The following KCNIP1 variants were observed in gnomAD, a reference collection of about 807,000 sequenced individuals.
KCNIP1 encodes potassium voltage-gated channel interacting protein 1.
Under a neutral mutation model 33.0 loss-of-function variants are expected in KCNIP1, and 18 were observed. The observed-to-expected ratio is 0.55, with a 90% CI of 0.38 to 0.81. The LOEUF is 0.81. Ranked by LOEUF, KCNIP1 falls within the 30% of genes least tolerant of loss-of-function variation. The pLI is 0.00. For missense variants in KCNIP1, 238 were observed against 271.6 expected, an observed-to-expected ratio of 0.88 and a Z score of 0.87; for synonymous variants, 93 against 98.3, an observed-to-expected ratio of 0.95 and a Z score of 0.32.
At chr5:170,635,054 G>C (rs1202629210) in intron 1 of KCNIP1, among the ~76,000 whole-genome samples, 1 of 152,120 alleles carries the variant, frequency 6.6e-6, no homozygotes, top group Non-Finnish European at 1.5e-5. Context: ...TTTTGAGACA[G>C]AGACTCGCTT....
chr5:170,463,623 G>A (rs1027823156), intron 1 of KCNIP1, among the ~76,000 whole-genome samples: 5 of 152,144 alleles, frequency 3.3e-5, no homozygotes, highest in South Asian at 2.1e-4. Flanking sequence ...CCAAACTGAC[G>A]TCATGATAAA....
intron 1 of KCNIP1, among the ~76,000 whole-genome samples, chr5:170,521,418 G>C (rs571099578): frequency 6.6e-6 from 1 of 152,302 alleles, no homozygotes; most frequent in Admixed American, 6.5e-5. Context: ...TTTTGTGAGT[G>C]TATGTTTCTA....
At chr5:170,420,354 G>A (rs948881770) in intron 1 of KCNIP1, 3 of 152,016 alleles carry the variant, frequency 2.0e-5, no homozygotes, top group Admixed American at 2.0e-4. Flanking sequence ...TCTTCTTTAT[G>A]ATTTCTCGTA....
At chr5:170,402,823 T>C (rs1754942854) in intron 1 of KCNIP1, among the ~76,000 whole-genome samples, 1 of 152,156 alleles carries the variant, frequency 6.6e-6, no homozygotes. Flanking sequence ...GCTGCCACAG[T>C]GTCATTCATT....
At chr5:170,359,157 G>T (rs1445048172) in intron 1 of KCNIP1, among the ~76,000 whole-genome samples, 1 of 152,164 alleles carries the variant, frequency 6.6e-6, no homozygotes, top group East Asian at 1.9e-4. Flanking sequence ...TCTCAGGCAG[G>T]TGTGCAGGCC....
At chr5:170,715,212 C>G (rs1011614917) in intron 1 of KCNIP1, among the ~76,000 whole-genome samples, 3 of 152,160 alleles carry the variant, frequency 2.0e-5, no homozygotes, top group Non-Finnish European at 4.4e-5. Flanking sequence ...AGCCTAGGAG[C>G]AAAAGGCCAT....
intron 5 of KCNIP1, among the ~76,000 whole-genome samples, chr5:170,724,716 G>T (rs1763949320): frequency 6.6e-6 from 1 of 151,938 alleles, no homozygotes; most frequent in South Asian, 2.1e-4. Context: ...ATTAAATTAA[G>T]AAAAATAGCA....
intron 2 of KCNIP1, 131 bp downstream of exon 2, chr5:170,719,013 G>A (rs560631743): frequency 1.7e-6 from 2 of 1,199,422 alleles, no homozygotes; most frequent in South Asian, 3.0e-5. Flanking sequence ...CTCTATAAAG[G>A]GGGCATGAGA....
chr5:170,722,626 A>G lies in KCNIP1; in HGVS notation c.328-87A>G, dbSNP rs910633821. Reference sequence around the variant, plus strand: ...AGGACGCAGGAGGCACCATTCTGTGAGAGTATCACAGTCTGACCCAAAGAC... The same window carrying G: ...AGGACGCAGGAGGCACCATTCTGTGGGAGTATCACAGTCTGACCCAAAGAC... On this transcript the variant is annotated intron_variant, in intron 4 of 7. Transcript: ENST00000328939. The G allele has an allele frequency of 9.1e-6, 8 of 882,534 alleles. No individual in the cohort carries two copies. In the African/African-American group the frequency reaches 1.3e-4, roughly 15 times the overall value. 54.7% of individuals were successfully genotyped at this position (882,534 alleles called of 1,614,324 possible). A position where few individuals can be genotyped will look rare whatever the true frequency, so the allele number is the denominator to read the frequency against.
chr5:170,601,996 C>T (rs1758714730), intron 1 of KCNIP1, among the ~76,000 whole-genome samples: 2 of 152,160 alleles, frequency 1.3e-5, no homozygotes, highest in Non-Finnish European at 1.5e-5. Flanking sequence ...GACACCGCCC[C>T]AGGCTCTCTG....
At chr5:170,678,712 G>A (rs766498330) in intron 1 of KCNIP1, 5 of 152,204 alleles carry the variant, frequency 3.3e-5, no homozygotes, top group Admixed American at 1.3e-4. Context: ...ACTTTGGGAC[G>A]GGAGCCCAGG....
intron 1 of KCNIP1, among the ~76,000 whole-genome samples, chr5:170,672,864 G>T (rs1011302915): frequency 1.3e-5 from 2 of 152,248 alleles, no homozygotes; most frequent in Non-Finnish European, 2.9e-5. Context: ...CTAGGCAATA[G>T]GTTTTAGTTG....
intron 1 of KCNIP1, chr5:170,383,723 C>G (rs199919533): frequency 6.2e-7 from 1 of 1,614,152 alleles, no homozygotes; most frequent in Non-Finnish European, 8.5e-7. Context: ...TACAGCACAG[C>G]CCACCTGCCG....
chr5:170,373,097 G>A (rs1219118971), intron 1 of KCNIP1, among the ~76,000 whole-genome samples: 1 of 152,172 alleles, frequency 6.6e-6, no homozygotes, highest in Non-Finnish European at 1.5e-5. Flanking sequence ...GAAGTTGGCT[G>A]GTGAAAATGT....
chr5:170,404,546 A>G (rs965258863), intron 1 of KCNIP1, among the ~76,000 whole-genome samples: 4 of 152,120 alleles, frequency 2.6e-5, no homozygotes, highest in African/African-American at 9.7e-5. Flanking sequence ...TTGCCTGGCT[A>G]TCATGGGTGA....
At chr5:170,646,045 CAAG>C (rs1482515253) in intron 1 of KCNIP1, among the ~76,000 whole-genome samples, 2 of 152,116 alleles carry the variant, frequency 1.3e-5, no homozygotes, top group Admixed American at 1.3e-4. Context: ...AAAATTCGCA[CAAG>C]AAGAAATAGA....
intron 1 of KCNIP1, among the ~76,000 whole-genome samples, chr5:170,441,392 A>G (rs897762214): frequency 6.6e-6 from 1 of 151,948 alleles, no homozygotes; most frequent in Non-Finnish European, 1.5e-5. Context: ...ACCTCAGAGC[A>G]TTTGTACCTC....
At chr5:170,691,465 C>A (rs1178793676) in intron 1 of KCNIP1, among the ~76,000 whole-genome samples, 1 of 152,152 alleles carries the variant, frequency 6.6e-6, no homozygotes, top group Admixed American at 6.5e-5. Context: ...TGACTTTGGG[C>A]AAAATACTTA....
At chr5:170,616,309 C>T (rs1759368650) in intron 1 of KCNIP1, among the ~76,000 whole-genome samples, 2 of 17,312 alleles carry the variant, frequency 1.2e-4, no homozygotes, top group Non-Finnish European at 2.3e-4. Flanking sequence ...GAGCACCTAC[C>T]CTGGGCCAGG....
Sources: allele counts gnomAD v4.1 joint callset (sites outside exome capture counted in the v4.1 genomes callset), GRCh38; gene constraint gnomAD v4.1.1; transcripts MANE v1.5; gene names NCBI Gene and HGNC (gene_info 2026-07-23, HGNC 2026-07-21).